Variants in ARHGAP30 observed in about 807,000 individuals in gnomAD.
ARHGAP30 encodes the protein Rho GTPase activating protein 30, also known as rho GTPase-activating protein 30.
In ARHGAP30, 23 loss-of-function variants were observed where a neutral mutation model predicts 72.0. The ratio of observed to expected loss-of-function variants is 0.32; its 90% CI spans 0.23 to 0.45. The LOEUF (loss-of-function observed/expected upper bound fraction) is 0.45, where lower values mean the gene tolerates loss of function less well. Among genes scored for constraint, ARHGAP30 ranks in the 20% least tolerant of loss-of-function variants. The pLI is 1.00. For synonymous variants in ARHGAP30, 576 were observed against 528.2 expected (o/e 1.09, Z -1.24); for missense variants, 1,319 against 1,383.4 (o/e 0.95, Z 0.74).
At chr1:161,049,360 G>A in intron 11 of ARHGAP30, 26 bp from the exon 12 acceptor site, 2 of 1,604,358 alleles carry the variant, frequency 1.2e-6, no homozygotes, top group Non-Finnish European at 1.7e-6. Flanking sequence ...TGTGACTCAG[G>A]ACCAGGAGGC....
intron 5 of ARHGAP30, 57 bp downstream of exon 5, chr1:161,054,309 C>A: frequency 1.3e-6 from 2 of 1,483,298 alleles, no homozygotes; most frequent in Non-Finnish European, 1.9e-6. Context: ...CTGGGAGCAG[C>A]CTCCCAAAGG....
intron 1 of ARHGAP30, among the ~76,000 whole-genome samples, chr1:161,063,647 G>C (rs537054575): frequency 2.6e-5 from 4 of 152,254 alleles, no homozygotes; most frequent in African/African-American, 9.6e-5. Context: ...GAATAAGAGA[G>C]ATAACCTTAA....
Position 161,069,579 on chromosome 1 carries a change from G to A in ARHGAP30, c.46C>T (p.Arg16Trp), listed in dbSNP as rs1233696220. 6 of 1,611,474 alleles carry A rather than the reference G, an allele frequency of 3.7e-6. No individual in the cohort carries two copies. The highest frequency in any genetic ancestry group is 3.3e-5 in the South Asian group (3 of 91,086). ...KGKKKGSAKE[R>W]VFGCDLQEHL... is the part of the protein sequence containing the mutation. ...TCCTGCAAGTCGCACCCAAAAACCC[G>A]CTCCTTTGCGCTGCCCTTCTTCTTT... Residue 16 changes from arginine to tryptophan, a missense_variant, in exon 1 of 12, where the codon CGG becomes TGG. Around this residue, in one of 2 missense-constraint regions of ARHGAP30, gnomAD observed 222 missense variants for 338.2 expected, o/e 0.66. Coordinates refer to ENST00000368013, the MANE Select transcript of ARHGAP30 (RefSeq NM_001025598.2). The surrounding 1 kb of genome is among the most constrained non-coding windows in gnomAD (Gnocchi z 4.9).
intron 2 of ARHGAP30, 98 bp from the exon 3 acceptor site, chr1:161,056,630 A>G (rs1651897471): frequency 7.3e-7 from 1 of 1,360,728 alleles, no homozygotes; most frequent in Non-Finnish European, 9.9e-7. Flanking sequence ...TCGTGGGTCA[A>G]CATGTGTTGG....
Position 161,048,444 on chromosome 1 carries a change from G to A in ARHGAP30, c.2577C>T (p.Asp859=), listed in dbSNP as rs1365108877. 6.2e-7 allele frequency: 1 copy of A among 1,614,116 alleles called. No individual in the cohort carries two copies. Among genetic ancestry groups the A allele is most frequent in the Non-Finnish European group, 8.5e-7 (1 of 1,180,020 alleles). ...CTACACCTGAACCTTCAGAGAGGGT[G>A]TCCTCTTCTAAATAGTACCCTCCAG... ...QRAGGYYLEE[D]TLSEGSGVAS... is the part of the protein sequence containing the mutation. The change falls in exon 12 of 12, where the codon GAC becomes GAT. Residue 859 remains aspartate (D), a synonymous_variant. Coordinates refer to ENST00000368013, the MANE Select transcript of ARHGAP30 (RefSeq NM_001025598.2).
Position 161,048,749 on chromosome 1 carries a change from T to C in ARHGAP30, c.2272A>G (p.Arg758Gly), listed in dbSNP as rs763106466. 6.2e-7 allele frequency: 1 copy of C among 1,614,118 alleles called. No individual in the cohort carries two copies. The highest frequency in any genetic ancestry group is 1.7e-5 in the Admixed American group (1 of 60,010). The change falls in exon 12 of 12, where the codon AGA becomes GGA. Residue 758 changes from arginine to glycine, a missense_variant. Coordinates refer to ENST00000368013, the MANE Select transcript of ARHGAP30 (RefSeq NM_001025598.2). ...CCAGCTTCTACCTGGGCTTCCTCTCTTTGTTCATCCTCTTCTCTCTCAATT... is the reference window on the plus strand; with the variant it reads ...CCAGCTTCTACCTGGGCTTCCTCTCCTTGTTCATCCTCTTCTCTCTCAATT... ...KEIEREEDEQ[R>G]EEAQVEAGRD...
intron 3 of ARHGAP30, 37 bp from the exon 4 acceptor site, chr1:161,054,742 C>A: frequency 3.2e-6 from 5 of 1,570,060 alleles, no homozygotes; most frequent in Non-Finnish European, 4.4e-6. Flanking sequence ...GAATCAGTGA[C>A]CCAGCAATGC....
At chr1:161,052,228 G>A in intron 9 of ARHGAP30, 58 bp downstream of exon 9, 1 of 1,586,030 alleles carries the variant, frequency 6.3e-7, no homozygotes, top group Non-Finnish European at 8.6e-7. Flanking sequence ...GTACACACAA[G>A]CCCACGCTGG....
chr1:161,066,295 C>T (rs1037119840), intron 1 of ARHGAP30, among the ~76,000 whole-genome samples: 6 of 150,016 alleles, frequency 4.0e-5, no homozygotes, highest in African/African-American at 1.5e-4. Context: ...CACTTATTCT[C>T]AGGGCCATGG....
rs750428205 is a variant in ARHGAP30, at chr1:161,052,424, A to G, written c.940+16T>C. The G allele has an allele frequency of 6.9e-6, 11 of 1,596,020 alleles. No homozygotes were observed. The highest frequency in any genetic ancestry group is 9.4e-6 in the Non-Finnish European group (11 of 1,168,816). ...GTGCACCCTCAGCAGAGCTCCCCCC[A>G]TCTCCCCAGACTTACCCCTGTCCTC... On this transcript the variant is annotated intron_variant, in intron 8 of 11. Coordinates refer to ENST00000368013, the MANE Select transcript of ARHGAP30 (RefSeq NM_001025598.2).
rs1393506539 is a variant in ARHGAP30 at position 161,069,750 on chromosome 1, TG to T, written c.-127del. ...GCCCCAGGGGGGCAGGGCTCCCAAT[TG>T]GGGGTGGAGGGTGGCCTGGGCAACG... On this transcript the variant is annotated 5_prime_UTR_variant, in exon 1 of 12. Coordinates refer to ENST00000368013, the MANE Select transcript of ARHGAP30 (RefSeq NM_001025598.2). The surrounding 1 kb of genome is among the most constrained non-coding windows in gnomAD (Gnocchi z 4.9). 1.9e-6 allele frequency: 2 copies of T among 1,052,740 alleles called. No homozygotes were observed. 65.2% of individuals were successfully genotyped at this position (1,052,740 alleles called of 1,614,324 possible). A position where few individuals can be genotyped will look rare whatever the true frequency, so the allele number is the denominator to read the frequency against.
At chr1:161,054,233 C>T in intron 5 of ARHGAP30, 133 bp downstream of exon 5, 1 of 789,442 alleles carries the variant, frequency 1.3e-6, no homozygotes, top group East Asian at 2.7e-5. Context: ...CTTGAACCTT[C>T]TTTTCTCACT....
chr1:161,067,238 C>A (rs887149178), intron 1 of ARHGAP30, among the ~76,000 whole-genome samples: 2 of 152,040 alleles, frequency 1.3e-5, no homozygotes, highest in African/African-American at 4.8e-5. Flanking sequence ...AGAGTAGGGT[C>A]AGGGAGGAAG....
rs1652972548 is a variant in ARHGAP30, at chr1:161,069,060, C to T, written c.97+468G>A. Among the ~76,000 whole-genome samples the T allele has an allele frequency of 6.6e-6, 1 of 152,144 alleles. No homozygotes were observed. Among genetic ancestry groups the T allele is most frequent in the Non-Finnish European group, 1.5e-5 (1 of 68,022 alleles). On this transcript the variant is annotated intron_variant, in intron 1 of 11. Coordinates refer to ENST00000368013, the MANE Select transcript of ARHGAP30 (RefSeq NM_001025598.2). The surrounding 1 kb of genome is among the most constrained non-coding windows in gnomAD (Gnocchi z 4.9). ...CCATGACCTTGTCCTTGGGTGTTCT[C>T]CAGCCAGGAAACCACCCGCCTCAAG... is the stretch of plus-strand genomic sequence containing the variant.
At chr1:161,057,822 C>T (rs1651991018) in intron 2 of ARHGAP30, among the ~76,000 whole-genome samples, 1 of 152,078 alleles carries the variant, frequency 6.6e-6, no homozygotes, top group South Asian at 2.1e-4. Context: ...CGAGACCAGC[C>T]TGACCAACAT....
Position 161,053,504 on chromosome 1 carries a change from CTCGA to C in ARHGAP30, c.537-123_537-120del, listed in dbSNP as rs1312765188. The C allele has an allele frequency of 6.6e-4, 546 of 822,786 alleles. 4 individuals carry two copies. The highest frequency in any genetic ancestry group is 4.3e-3 in the African/African-American group (54 of 12,692). 51.0% of individuals were successfully genotyped at this position (822,786 alleles called of 1,614,324 possible). ...TCTCTCTCTCTCTCTCTCTCTCTCTCTCGAATGACCTTAACCCCTTCTCTACCTC... is the reference window on the plus strand; with the variant it reads ...TCTCTCTCTCTCTCTCTCTCTCTCTCATGACCTTAACCCCTTCTCTACCTC... On this transcript the variant is annotated intron_variant, in intron 5 of 11. Coordinates refer to ENST00000368013, the MANE Select transcript of ARHGAP30 (RefSeq NM_001025598.2).
In ARHGAP30 at chr1:161,052,646, G is replaced by T; in HGVS notation, c.816C>A (p.Ile272=). ...CTTACTTGTGCTCTGCAATCTCGAT[G>T]ATAGTATGGTAGGGCCGCATCTGTG... ...GPPQMRPYHT[I]IEIAEHKRKG... Residue 272 remains isoleucine (I), a synonymous_variant, in exon 7 of 12, where the codon ATC becomes ATA. Transcript: ENST00000368013. The T allele has an allele frequency of 6.2e-7, 1 of 1,613,972 alleles. No individual in the cohort carries two copies. The highest frequency in any genetic ancestry group is 8.5e-7 in the Non-Finnish European group (1 of 1,179,962).
chr1:161,053,135 T>G, intron 6 of ARHGAP30, 123 bp downstream of exon 6: 1 of 1,404,770 alleles, frequency 7.1e-7, no homozygotes, highest in Non-Finnish European at 9.8e-7. Flanking sequence ...CAGGGTTCTC[T>G]CCATGTGGCC....
intron 2 of ARHGAP30, 45 bp from the exon 3 acceptor site, chr1:161,056,577 T>A (rs370783097): frequency 6.3e-7 from 1 of 1,590,020 alleles, no homozygotes; most frequent in Non-Finnish European, 8.5e-7. Flanking sequence ...GTTGGGGTGA[T>A]GTGGGGAGAG....
Sources: gnomAD v4.1 joint callset for allele counts (sites outside exome capture counted in the v4.1 genomes callset) on GRCh38, gnomAD v4.1.1 for gene constraint, gnomAD v4.1.1 regional missense constraint, Gnocchi (gnomAD v3.1) non-coding constraint, MANE v1.5 for transcripts, NCBI Gene and HGNC (gene_info 2026-07-23, HGNC 2026-07-21) for gene names.